MAGI2: variants seen among roughly 807,000 people sequenced by gnomAD.
MAGI2 encodes the protein membrane associated guanylate kinase, WW and PDZ domain containing 2, also known as membrane-associated guanylate kinase, WW and PDZ domain-containing protein 2.
In MAGI2, 35 loss-of-function variants were observed where a neutral mutation model predicts 133.3. The observed-to-expected ratio is 0.26, with a 90% confidence interval of 0.20 to 0.35. The LOEUF (loss-of-function observed/expected upper bound fraction) is 0.35. MAGI2 is among the 10% of genes least tolerant of loss of function. The pLI is 1.00. For missense variants in MAGI2, 1,636 were observed against 1,863.4 expected (o/e 0.88, Z 2.25); for synonymous variants, 729 against 710.6 (o/e 1.03, Z -0.41).
chr7:78,606,935 T>C (rs1805879283), intron 3 of MAGI2, among the ~76,000 whole-genome samples: 1 of 152,196 alleles, frequency 6.6e-6, no homozygotes, highest in African/African-American at 2.4e-5. Context: ...AAATGTATAT[T>C]CCTTTCTCCA....
chr7:78,639,236 C>A (rs963965929), intron 2 of MAGI2, among the ~76,000 whole-genome samples: 1 of 152,146 alleles, frequency 6.6e-6, no homozygotes, highest in African/African-American at 2.4e-5. Flanking sequence ...TACAGAGTAT[C>A]AGAAAATCCA....
chr7:78,621,477 A>G (rs1200432333), intron 3 of MAGI2, among the ~76,000 whole-genome samples: 1 of 152,004 alleles, frequency 6.6e-6, no homozygotes, highest in African/African-American at 2.4e-5. Flanking sequence ...GAGTCATGGA[A>G]AAGAGTCCCT....
At position 78,019,512 on chromosome 7, in the gene MAGI2, C is replaced by T. The variant is rs1584846855; in HGVS notation, c.4171G>A (p.Gly1391Ser). 1 of 980,306 alleles carries T rather than the reference C, an allele frequency of 1.0e-6. No homozygotes were observed. The highest frequency in any genetic ancestry group is 1.2e-6 in the Non-Finnish European group (1 of 828,218). 60.7% of individuals were successfully genotyped at this position (980,306 alleles called of 1,614,324 possible). A position where few individuals can be genotyped will look rare whatever the true frequency, so the allele number is the denominator to read the frequency against. The change falls in exon 22 of 22, where the codon GGC becomes AGC. Residue 1391 changes from glycine to serine, a missense_variant. This residue lies in a region of MAGI2 where 354 missense variants were observed against 298.7 expected (regional missense o/e 1.19). Transcript: ENST00000354212. Reference protein sequence around the residue: ...EGPGAAPAFAGPGGGGSGALE... With the variant: ...EGPGAAPAFASPGGGGSGALE... The stretch of plus-strand genomic sequence containing the variant: ...GCGCCGCTGCCGCCGCCGCCCGGGC[C>T]GGCAAACGCCGGCGCAGCCCCCGGG...
At chr7:78,898,792 C>T (rs1797399116) in intron 2 of MAGI2, among the ~76,000 whole-genome samples, 1 of 152,076 alleles carries the variant, frequency 6.6e-6, no homozygotes, top group Non-Finnish European at 1.5e-5. Context: ...CACATGTACC[C>T]CTGAACTTAA....
chr7:79,039,149 TAGTG>T (rs997024984), intron 1 of MAGI2, among the ~76,000 whole-genome samples: 2 of 152,064 alleles, frequency 1.3e-5, no homozygotes, highest in South Asian at 2.1e-4. Context: ...GTTCTCGTGA[TAGTG>T]AGTGAGTTTT....
intron 16 of MAGI2, among the ~76,000 whole-genome samples, chr7:78,135,694 T>C (rs6974961): frequency 0.87 from 132,299 of 152,220 alleles, 57,688 homozygotes; most frequent in African/African-American, 0.91. Flanking sequence ...TCAATTTCTA[T>C]CCTTTTATTA....
intron 6 of MAGI2, among the ~76,000 whole-genome samples, chr7:78,418,149 A>T (rs1258937123): frequency 6.6e-6 from 1 of 152,170 alleles, no homozygotes; most frequent in East Asian, 1.9e-4. Flanking sequence ...GTGAGAGCTC[A>T]TCTCTAAAAA....
At chr7:78,032,411 C>T (rs1251151220) in intron 21 of MAGI2, among the ~76,000 whole-genome samples, 5 of 152,078 alleles carry the variant, frequency 3.3e-5, no homozygotes, top group Admixed American at 3.3e-4. Flanking sequence ...GATGGGGTTT[C>T]GTCATGTTGC....
intron 9 of MAGI2, among the ~76,000 whole-genome samples, chr7:78,305,212 T>G (rs1798157778): frequency 6.6e-6 from 1 of 152,152 alleles, no homozygotes; most frequent in South Asian, 2.1e-4. Context: ...ATTTTCTCCA[T>G]CTGGAATGCA....
chr7:79,317,826 T>C (rs555474664), intron 1 of MAGI2, among the ~76,000 whole-genome samples: 1 of 151,686 alleles, frequency 6.6e-6, no homozygotes, highest in Non-Finnish European at 1.5e-5. Flanking sequence ...CAATGACTCA[T>C]CCTCCTTTGC....
intron 1 of MAGI2, among the ~76,000 whole-genome samples, chr7:79,211,637 TA>T (rs1829505082): frequency 6.6e-6 from 1 of 151,914 alleles, no homozygotes; most frequent in Admixed American, 6.6e-5. Context: ...AGAAAGATTA[TA>T]GGCAATTTTT....
intron 21 of MAGI2, among the ~76,000 whole-genome samples, chr7:78,075,997 C>T (rs1040216486): frequency 6.6e-6 from 1 of 152,202 alleles, no homozygotes; most frequent in Non-Finnish European, 1.5e-5. Context: ...GTGATATCAT[C>T]TCTAAAGTTT....
chr7:78,318,467 A>C (rs1219333508), intron 9 of MAGI2, among the ~76,000 whole-genome samples: 1 of 152,346 alleles, frequency 6.6e-6, no homozygotes, highest in East Asian at 1.9e-4. Context: ...ATATGGGACT[A>C]TGTGAAAAGA....
intron 2 of MAGI2, among the ~76,000 whole-genome samples, chr7:78,950,500 A>T (rs532026641): frequency 1.3e-5 from 2 of 152,276 alleles, no homozygotes; most frequent in East Asian, 3.9e-4. Flanking sequence ...GCACTGTTTT[A>T]TTCTGAAAGC....
intron 3 of MAGI2, among the ~76,000 whole-genome samples, chr7:78,591,583 C>G (rs546936296): frequency 3.3e-4 from 50 of 152,292 alleles, no homozygotes; most frequent in African/African-American, 1.1e-3. Flanking sequence ...AGGAAACAAG[C>G]AAATAAGCAG....
At chr7:79,407,056 TG>T (rs1845853502) in intron 1 of MAGI2, among the ~76,000 whole-genome samples, 1 of 152,276 alleles carries the variant, frequency 6.6e-6, no homozygotes, top group Middle Eastern at 3.4e-3. Context: ...CTTAGAAAGA[TG>T]GATTATTAAA....
chr7:79,342,676 T>C (rs1046977494), intron 1 of MAGI2, among the ~76,000 whole-genome samples: 8 of 152,194 alleles, frequency 5.3e-5, no homozygotes, highest in Non-Finnish European at 1.2e-4. Context: ...TTTATTTTAC[T>C]TTTTCTTCAT....
intron 14 of MAGI2, among the ~76,000 whole-genome samples, chr7:78,168,391 T>C (rs1563208518): frequency 6.6e-6 from 1 of 152,218 alleles, no homozygotes; most frequent in Non-Finnish European, 1.5e-5. Context: ...CCCTTTCAAC[T>C]CTTTTAAGTT....
chr7:79,451,892 A>T (rs1586036585), intron 1 of MAGI2, among the ~76,000 whole-genome samples: 2 of 152,334 alleles, frequency 1.3e-5, no homozygotes, highest in East Asian at 3.9e-4. Flanking sequence ...AACAGAAAAG[A>T]AAAAAGCTAC....
Sources: allele counts gnomAD v4.1 joint callset (sites outside exome capture counted in the v4.1 genomes callset), GRCh38; gene constraint gnomAD v4.1.1; regional missense constraint gnomAD v4.1.1; transcripts MANE v1.5; gene names NCBI Gene and HGNC (gene_info 2026-07-23, HGNC 2026-07-21).